Variants in SALL1 observed in about 807,000 individuals in gnomAD.
SALL1 encodes sal-like protein 1.
SALL1 carries 10 observed loss-of-function variants against 73.1 expected under a neutral mutation model. That is an observed-to-expected ratio of 0.14 (90% confidence interval 0.08 to 0.23). The LOEUF (loss-of-function observed/expected upper bound fraction) is 0.23, where lower values mean the gene tolerates loss of function less well. Among genes scored for constraint, SALL1 ranks in the 10% least tolerant of loss-of-function variants. The probability of loss-of-function intolerance (pLI) is 1.00; values close to 1 mark genes in which losing one functional copy is unlikely to be tolerated. For synonymous variants in SALL1, 688 were observed against 689.8 expected (o/e 1.00, Z 0.04); for missense variants, 1,520 against 1,697.3 (o/e 0.90, Z 1.84).
chr16:51,150,392 T>TG, intron 1 of SALL1: 2 of 985,440 alleles, frequency 2.0e-6, no homozygotes, highest in Non-Finnish European at 2.4e-6. Context: ...AGAAAGATTT[T>TG]GGGGGGCAGA....
In SALL1 at chr16:51,141,430, C is replaced by T; in HGVS notation, c.792G>A (p.Leu264=). The T allele has an allele frequency of 6.2e-7, 1 of 1,614,148 alleles. No homozygotes were observed. Among genetic ancestry groups the T allele is most frequent in the Non-Finnish European group, 8.5e-7 (1 of 1,180,044 alleles). ...CTTGAGAAGGACTAGAAGATGTTGGCAAGTCTGCATTCTGAGAAGCCAACA... is the reference window on the plus strand; with the variant it reads ...CTTGAGAAGGACTAGAAGATGTTGGTAAGTCTGCATTCTGAGAAGCCAACA... The part of the protein sequence containing the change: ...ILLLASQNAD[L]PTSSSPSQGT... The change falls in exon 2 of 3, where the codon TTG becomes TTA. Residue 264 remains leucine, a synonymous_variant. Transcript: ENST00000251020. This position sits in a 1 kb window ranked among gnomAD's most constrained non-coding sequence, Gnocchi z 5.4.
chr16:51,147,318 ATGTG>A (rs1324203575), intron 1 of SALL1, among the ~76,000 whole-genome samples: 1 of 152,228 alleles, frequency 6.6e-6, no homozygotes, highest in Non-Finnish European at 1.5e-5. Context: ...TTTACAAAGT[ATGTG>A]TGGCCTGAAG....
chr16:51,142,208 TA>T (rs878879461), intron 1 of SALL1, 63 bp from the exon 2 acceptor site: 53,942 of 831,602 alleles, frequency 0.065, 1 homozygote, highest in South Asian at 0.11. Flanking sequence ...ACCTATGACT[TA>T]AAAAAAAAAA....
chr16:51,143,266 TA>T, intron 1 of SALL1: 1 of 365,800 alleles, frequency 2.7e-6, no homozygotes, highest in Non-Finnish European at 5.6e-6. Flanking sequence ...GTCTTCTCAC[TA>T]AGATCCATTT....
upstream of SALL1, chr16:51,151,361 C>CAG: frequency 2.3e-6 from 1 of 427,668 alleles, no homozygotes; most frequent in Non-Finnish European, 3.6e-6. Context: ...CCCGCCCGCC[C>CAG]CCTCCCCGGC....
intron 1 of SALL1, 38 bp from the exon 2 acceptor site, chr16:51,142,183 C>G: frequency 6.8e-7 from 1 of 1,474,506 alleles, no homozygotes. Context: ...AGAAAAGGGG[C>G]CAGGACACAC....
chr16:51,138,862 T>C lies in SALL1; in HGVS notation c.3360A>G (p.Pro1120=). ...TCCTGGGCAGAGCAGGGAGCAGAAC[T>C]GGGGATGTGGCAGAGGAAGACAGAG... ...SGPLSSSATS[P]VLLPALPRRT... Residue 1120 remains proline, a synonymous_variant, in exon 2 of 3, where the codon CCA becomes CCG. Coordinates refer to ENST00000251020, the MANE Select transcript of SALL1 (RefSeq NM_002968.3). The C allele has an allele frequency of 1.2e-6, 2 of 1,614,146 alleles. No homozygotes were observed. Among genetic ancestry groups the C allele is most frequent in the South Asian group, 2.2e-5 (2 of 91,080 alleles).
At chr16:51,151,650 C>T (rs1190602418), upstream of SALL1, among the ~76,000 whole-genome samples, 1 of 151,262 alleles carries the variant, frequency 6.6e-6, no homozygotes, top group Non-Finnish European at 1.5e-5. Context: ...GCGGCCCGGC[C>T]GCCGGGGGCC....
At chr16:51,150,231 T>C (rs1434491880) in intron 1 of SALL1, 1 of 186,834 alleles carries the variant, frequency 5.4e-6, no homozygotes, top group East Asian at 1.9e-4. Flanking sequence ...CCCACAGTTG[T>C]CGCCTCCATC....
At chr16:51,146,443 C>T (rs1210900455) in intron 1 of SALL1, among the ~76,000 whole-genome samples, 1 of 151,884 alleles carries the variant, frequency 6.6e-6, no homozygotes, top group Non-Finnish European at 1.5e-5. Context: ...AAAAAAGAGA[C>T]TCCTTAAGGC....
At chr16:51,150,418 G>C in intron 1 of SALL1, 1 of 985,598 alleles carries the variant, frequency 1.0e-6, no homozygotes, top group Non-Finnish European at 1.2e-6. Flanking sequence ...CAAGTGTTGT[G>C]GGAAGAGATG....
Position 51,141,304 on chromosome 16 carries a change from T to C in SALL1, c.918A>G (p.Gln306=), listed in dbSNP as rs1361513709. 1 of 1,613,962 alleles carries C rather than the reference T, an allele frequency of 6.2e-7. No homozygotes were observed. Among genetic ancestry groups the C allele is most frequent in the South Asian group, 1.1e-5 (1 of 91,070 alleles). The change falls in exon 2 of 3, where the codon CAA becomes CAG. Residue 306 remains glutamine (Q), a synonymous_variant. Coordinates refer to ENST00000251020, the MANE Select transcript of SALL1 (RefSeq NM_002968.3). This position sits in a 1 kb window ranked among gnomAD's most constrained non-coding sequence, Gnocchi z 5.4. The stretch of plus-strand genomic sequence containing the variant: ...GTTTCACACCACTAATGCTGGCAGA[T>C]TGGCTGGCGAGGCTCTGTGCCAATC... ...AAGLAQSLAS[Q]SASISGVKQL...
chr16:51,151,285 A>G (rs1962600146), upstream of SALL1: 1 of 1,403,242 alleles, frequency 7.1e-7, no homozygotes, highest in Non-Finnish European at 9.5e-7. Context: ...AATTACTAAA[A>G]AAAAATCTTC....
In SALL1 at chr16:51,141,002, G is replaced by C; in HGVS notation, c.1220C>G (p.Pro407Arg). 1 of 1,614,224 alleles carries C rather than the reference G, an allele frequency of 6.2e-7. No homozygotes were observed. Among genetic ancestry groups the C allele is most frequent in the East Asian group, 2.2e-5 (1 of 44,880 alleles). ...ATCCTCTGCAGTTGTTCCGATGTTG[G>C]GCAAAGGGCTGGGGAAAACCGAGTT... ...SANSVFPSPL[P>R]NIGTTAEDLN... The change falls in exon 2 of 3, where the codon CCC (proline) becomes CGC (arginine). Residue 407 changes from proline to arginine, a missense_variant. Coordinates refer to ENST00000251020, the MANE Select transcript of SALL1 (RefSeq NM_002968.3). The surrounding 1 kb of genome is among the most constrained non-coding windows in gnomAD (Gnocchi z 5.4).
upstream of SALL1, chr16:51,151,280 C>A: frequency 7.0e-7 from 1 of 1,431,592 alleles, no homozygotes; most frequent in Non-Finnish European, 9.3e-7. Context: ...TAAAAAATTA[C>A]TAAAAAAAAA....
rs761618283 is a variant in SALL1 at position 51,138,951 on chromosome 16, C to T, written c.3271G>A (p.Gly1091Ser). 10 of 1,613,988 alleles carry T rather than the reference C, an allele frequency of 6.2e-6. No homozygotes were observed. Among genetic ancestry groups the T allele is most frequent in the African/African-American group, 2.7e-5 (2 of 74,898 alleles). Residue 1091 changes from glycine (G) to serine (S), a missense_variant, in exon 2 of 3, where the codon GGC (glycine) becomes AGC (serine). Physicochemically the swap from Gly to Ser is moderately conservative, Grantham distance 56. This residue lies in a region of SALL1 where 318 missense variants were observed against 357.1 expected (regional missense o/e 0.89). Coordinates refer to ENST00000251020, the MANE Select transcript of SALL1 (RefSeq NM_002968.3). Reference protein sequence around the residue: ...LSSLIKTEVNGFVHVSPQDSK... With the variant: ...LSSLIKTEVNSFVHVSPQDSK... ...TCCTGAGGAGAAACATGCACGAAGC[C>T]GTTGACCTCTGTCTTGATGAGAGAT...
intron 1 of SALL1, chr16:51,150,947 G>A (rs1567319384): frequency 4.8e-6 from 2 of 413,140 alleles, no homozygotes; most frequent in Non-Finnish European, 8.6e-6. Flanking sequence ...GATCCTGCCG[G>A]GAGATGTGCT....
chr16:51,150,967 C>CG (rs1962590037), intron 1 of SALL1, 199 bp downstream of exon 1: 1 of 413,764 alleles, frequency 2.4e-6, no homozygotes, highest in South Asian at 8.0e-5. Flanking sequence ...TCGCTTTCCC[C>CG]GGGGCAGCGG....
chr16:51,137,341 G>A lies in SALL1; in HGVS notation c.3746C>T (p.Ala1249Val). The change falls in exon 3 of 3, where the codon GCC (alanine) becomes GTC (valine). Residue 1249 changes from alanine to valine, a missense_variant. Around this residue, in one of 7 missense-constraint regions of SALL1, gnomAD observed 318 missense variants for 357.1 expected, o/e 0.89. Coordinates refer to ENST00000251020, the MANE Select transcript of SALL1 (RefSeq NM_002968.3). ...GTTCTGAATGACGGAGATCTCGTTG[G>A]CCTTCATCGCCAGCCCGTTGGAGAG... ...AALSNGLAMK[A>V]NEISVIQNGG... The A allele has an allele frequency of 6.2e-7, 1 of 1,614,118 alleles. No homozygotes were observed. The highest frequency in any genetic ancestry group is 1.3e-5 in the African/African-American group (1 of 75,008).
Sources: gnomAD v4.1 joint callset for allele counts (sites outside exome capture counted in the v4.1 genomes callset) on GRCh38, gnomAD v4.1.1 for gene constraint, gnomAD v4.1.1 regional missense constraint, Gnocchi (gnomAD v3.1) non-coding constraint, MANE v1.5 for transcripts, NCBI Gene and HGNC (gene_info 2026-07-23, HGNC 2026-07-21) for gene names.